The following FSTL4 variants were observed in gnomAD, a reference collection of about 807,000 sequenced individuals.
FSTL4 encodes follistatin like 4, also known as follistatin-related protein 4.
In FSTL4, 28 loss-of-function variants were observed where a neutral mutation model predicts 78.2. That is an observed-to-expected ratio of 0.36 (90% CI 0.27 to 0.49). The LOEUF is 0.49. Ranked by LOEUF, FSTL4 falls within the 20% of genes least tolerant of loss-of-function variation. The probability of loss-of-function intolerance (pLI) is 0.98; values close to 1 mark genes in which losing one functional copy is unlikely to be tolerated. For missense variants in FSTL4, 922 were observed against 1,084.9 expected (o/e 0.85, Z 2.11); for synonymous variants, 422 against 440.5 (o/e 0.96, Z 0.53).
At chr5:133,546,048 G>A (rs978680336) in intron 3 of FSTL4, among the ~76,000 whole-genome samples, 2 of 152,226 alleles carry the variant, frequency 1.3e-5, no homozygotes, top group African/African-American at 4.8e-5. Flanking sequence ...ATATATGGTA[G>A]AAGAAATATC....
intron 3 of FSTL4, among the ~76,000 whole-genome samples, chr5:133,442,585 T>C (rs530711289): frequency 3.3e-5 from 5 of 152,346 alleles, no homozygotes; most frequent in African/African-American, 9.6e-5. Context: ...TAATATAGCA[T>C]GGTGTCATTC....
intron 3 of FSTL4, among the ~76,000 whole-genome samples, chr5:133,546,382 T>TC (rs1383322216): frequency 1.9e-4 from 29 of 151,910 alleles, no homozygotes; most frequent in Non-Finnish European, 3.4e-4. Flanking sequence ...GGCACGTGCC[T>TC]GTAATCCCAG....
chr5:133,264,486 C>T (rs1314131009), intron 6 of FSTL4, among the ~76,000 whole-genome samples: 1 of 152,140 alleles, frequency 6.6e-6, no homozygotes, highest in East Asian at 1.9e-4. Context: ...CTCCTGCAGA[C>T]ACCAGGCTTG....
intron 3 of FSTL4, among the ~76,000 whole-genome samples, chr5:133,424,036 A>T (rs1362790135): frequency 6.6e-6 from 1 of 152,214 alleles, no homozygotes; most frequent in Non-Finnish European, 1.5e-5. Flanking sequence ...GCAGACCAGC[A>T]GGGCCGAGCC....
At chr5:133,817,671 T>C in the FSTL4 span, among the ~76,000 whole-genome samples, 1 of 152,150 alleles carries the variant, frequency 6.6e-6, no homozygotes, top group East Asian at 1.9e-4. Flanking sequence ...CTCTTCTCTC[T>C]TCCAGCCCTC....
chr5:133,826,372 G>T, the FSTL4 span, among the ~76,000 whole-genome samples: 2 of 152,188 alleles, frequency 1.3e-5, no homozygotes, highest in Non-Finnish European at 2.9e-5. Flanking sequence ...CCACAAACTG[G>T]GTGGCTTATA....
chr5:133,242,364 C>G (rs1751900461), intron 7 of FSTL4, among the ~76,000 whole-genome samples: 1 of 152,238 alleles, frequency 6.6e-6, no homozygotes, highest in African/African-American at 2.4e-5. Context: ...TTGACTGGGC[C>G]TCTGTAGGGA....
chr5:133,442,789 C>A (rs1757185988), intron 3 of FSTL4, among the ~76,000 whole-genome samples: 1 of 152,192 alleles, frequency 6.6e-6, no homozygotes, highest in Non-Finnish European at 1.5e-5. Flanking sequence ...AAAAACCACT[C>A]AGTGGCAAAG....
chr5:133,346,872 C>G (rs1044225500), intron 4 of FSTL4, among the ~76,000 whole-genome samples: 1 of 152,118 alleles, frequency 6.6e-6, no homozygotes, highest in African/African-American at 2.4e-5. Context: ...TATTCTTCGG[C>G]TCCTTCTATG....
At chr5:133,450,338 C>A (rs1009068067) in intron 3 of FSTL4, among the ~76,000 whole-genome samples, 10 of 152,186 alleles carry the variant, frequency 6.6e-5, no homozygotes, top group Non-Finnish European at 1.2e-4. Context: ...CCTACTGAGC[C>A]CAGAGTGATG....
chr5:133,545,720 C>T (rs192870365), intron 3 of FSTL4, among the ~76,000 whole-genome samples: 92 of 152,182 alleles, frequency 6.0e-4, no homozygotes, highest in Non-Finnish European at 1.1e-3. Context: ...GTGAATTGTT[C>T]CAAAATTGTT....
chr5:133,731,136 A>C, the FSTL4 span, among the ~76,000 whole-genome samples: 1 of 152,018 alleles, frequency 6.6e-6, no homozygotes, highest in African/African-American at 2.4e-5. Context: ...TAGGGTGGGC[A>C]CTTGTTTCTT....
At position 133,225,295 on chromosome 5, in the gene FSTL4, G is replaced by A. The variant is rs1326089188; in HGVS notation, c.1178-11C>T. The A allele has an allele frequency of 6.2e-7, 1 of 1,614,162 alleles. No homozygotes were observed. Among genetic ancestry groups the A allele is most frequent in the Non-Finnish European group, 8.5e-7 (1 of 1,180,030 alleles). On this transcript the variant is annotated splice_polypyrimidine_tract_variant and intron_variant, in intron 9 of 15. Coordinates refer to ENST00000265342, the MANE Select transcript of FSTL4 (RefSeq NM_015082.2). The surrounding 1 kb of genome is among the most constrained non-coding windows in gnomAD (Gnocchi z 4.6). Reference sequence around the variant, plus strand: ...GTTCGCTCCCATTGGCTGCAGACAGGACAGTGCTCAGGGTGGACTGCTCAG... The same window carrying A: ...GTTCGCTCCCATTGGCTGCAGACAGAACAGTGCTCAGGGTGGACTGCTCAG...
intron 3 of FSTL4, among the ~76,000 whole-genome samples, chr5:133,448,274 G>C (rs1350155163): frequency 6.6e-6 from 1 of 152,168 alleles, no homozygotes; most frequent in Non-Finnish European, 1.5e-5. Context: ...ACTTCTCCCT[G>C]CACCTCTATT....
chr5:133,365,502 C>A (rs572947335), intron 4 of FSTL4, among the ~76,000 whole-genome samples: 4 of 152,182 alleles, frequency 2.6e-5, no homozygotes, highest in African/African-American at 9.6e-5. Context: ...CATGCCCCCA[C>A]CTGCTGATTT....
the FSTL4 span, among the ~76,000 whole-genome samples, chr5:133,706,457 C>G: frequency 6.6e-6 from 1 of 152,028 alleles, no homozygotes; most frequent in African/African-American, 2.4e-5. Flanking sequence ...CTAGAATTAC[C>G]AATTTTTTCA....
chr5:133,224,332 C>T lies in FSTL4; in HGVS notation c.1313-116G>A. On this transcript the variant is annotated intron_variant, in intron 10 of 15. Transcript: ENST00000265342. ...TTTATGAAGATCCTGGTACCTAGTC[C>T]ATCACTTACAGAATCTATACCACTC... The T allele has an allele frequency of 4.1e-6, 3 of 737,040 alleles. No homozygotes were observed. The South Asian group carries it at 5.1e-5, about 12-fold the overall frequency. The allele number at this position is 737,040 out of a possible 1,614,324, so 45.7% of individuals were successfully genotyped here.
intron 6 of FSTL4, among the ~76,000 whole-genome samples, chr5:133,249,839 G>C (rs1561643201): frequency 6.6e-6 from 1 of 152,332 alleles, no homozygotes; most frequent in East Asian, 1.9e-4. Flanking sequence ...GGACAATCTG[G>C]GCCATAGATT....
chr5:133,819,989 C>G, the FSTL4 span, among the ~76,000 whole-genome samples: 1 of 152,176 alleles, frequency 6.6e-6, no homozygotes, highest in Non-Finnish European at 1.5e-5. Flanking sequence ...CTGACTTGCT[C>G]AAGGTCACAC....
Sources: gnomAD v4.1 joint callset for allele counts (sites outside exome capture counted in the v4.1 genomes callset) on GRCh38, gnomAD v4.1.1 for gene constraint, Gnocchi (gnomAD v3.1) non-coding constraint, MANE v1.5 for transcripts, NCBI Gene and HGNC (gene_info 2026-07-23, HGNC 2026-07-21) for gene names.